Variants in FRMD3 observed in about 807,000 individuals in gnomAD.
FRMD3 encodes FERM domain-containing protein 3.
In FRMD3, 33 loss-of-function variants were observed where a neutral mutation model predicts 70.2. That is an observed-to-expected ratio of 0.47 (90% CI 0.36 to 0.63). FRMD3 has a LOEUF of 0.63. FRMD3 is among the 20% of genes least tolerant of loss of function. The pLI, the probability that FRMD3 is intolerant of heterozygous loss-of-function variation, is 0.00. For missense variants in FRMD3, 632 were observed against 711.4 expected, an observed-to-expected ratio of 0.89 and a Z score of 1.27; for synonymous variants, 279 against 255.9, an observed-to-expected ratio of 1.09 and a Z score of -0.86.
At chr9:83,534,467 C>T (rs963663328) in intron 1 of FRMD3, among the ~76,000 whole-genome samples, 2 of 152,192 alleles carry the variant, frequency 1.3e-5, no homozygotes, top group African/African-American at 4.8e-5. Flanking sequence ...ATCCTCTATG[C>T]AGTGGCAAAT....
intron 6 of FRMD3, among the ~76,000 whole-genome samples, chr9:83,324,141 T>C (rs1835919000): frequency 6.6e-6 from 1 of 152,194 alleles, no homozygotes; most frequent in Non-Finnish European, 1.5e-5. Context: ...GCTGTATGTA[T>C]CACTGTGGAA....
intron 1 of FRMD3, among the ~76,000 whole-genome samples, chr9:83,429,566 A>C (rs1826910307): frequency 6.6e-6 from 1 of 152,086 alleles, no homozygotes; most frequent in Non-Finnish European, 1.5e-5. Context: ...GCCTGTCCCA[A>C]GGTCCCACGT....
rs972169368 is a variant in FRMD3 at position 83,520,107 on chromosome 9, C to T, written c.147+17978G>A. On this transcript the variant is annotated intron_variant, in intron 1 of 13. Transcript: ENST00000304195. ...TGTATACCTATGTAACAAACCTGCA[C>T]GTTCTGCACATGTATCCCAGAACTT... Among the ~76,000 whole-genome samples the T allele has an allele frequency of 9.9e-5, 15 of 152,196 alleles. No homozygotes were observed. In the East Asian group the frequency reaches 2.5e-3, roughly 25 times the overall value.
chr9:83,526,674 C>T (rs1339591690), intron 1 of FRMD3, among the ~76,000 whole-genome samples: 1 of 152,166 alleles, frequency 6.6e-6, no homozygotes, highest in Non-Finnish European at 1.5e-5. Flanking sequence ...TTCTATCTTC[C>T]CCCAACTGAC....
chr9:83,331,789 A>G (rs1823381183), intron 6 of FRMD3: 8 of 705,552 alleles, frequency 1.1e-5, no homozygotes, highest in South Asian at 9.3e-5. Context: ...AAACAACTCT[A>G]TTAGTCAATG....
At chr9:83,441,144 T>A (rs1450777132) in intron 1 of FRMD3, among the ~76,000 whole-genome samples, 3 of 152,064 alleles carry the variant, frequency 2.0e-5, no homozygotes, top group Non-Finnish European at 4.4e-5. Context: ...AACAAGAAAA[T>A]CAATGTTCTA....
At chr9:83,406,215 T>A (rs146757159) in intron 1 of FRMD3, among the ~76,000 whole-genome samples, 1 of 152,240 alleles carries the variant, frequency 6.6e-6, no homozygotes, top group African/African-American at 2.4e-5. Context: ...TCTTCCCTGC[T>A]TTCCCCTCCC....
At chr9:83,547,980 T>C in the FRMD3 span, among the ~76,000 whole-genome samples, 26 of 152,324 alleles carry the variant, frequency 1.7e-4, no homozygotes, top group South Asian at 3.9e-3. Flanking sequence ...CTCAACATCA[T>C]ATCTCATTAC....
At chr9:83,405,372 G>A (rs1358442091) in intron 1 of FRMD3, among the ~76,000 whole-genome samples, 1 of 152,084 alleles carries the variant, frequency 6.6e-6, no homozygotes, top group Non-Finnish European at 1.5e-5. Context: ...GGCTTACAGT[G>A]ATCCACTTAC....
Position 83,269,642 on chromosome 9 carries a change from G to T in FRMD3, c.1195+20961C>A, listed in dbSNP as rs1833455990. ...GAGAATTGCATAAACCCGGGAGGCG[G>T]AGGTTGCAGCAAGCCGAGATCTCAC... On this transcript the variant is annotated intron_variant, in intron 13 of 13. Coordinates refer to ENST00000304195, the MANE Select transcript of FRMD3 (RefSeq NM_174938.6). Among the ~76,000 whole-genome samples, 4 of 151,958 alleles carry T rather than the reference G, an allele frequency of 2.6e-5. No homozygotes were observed. The South Asian group carries it at 6.2e-4, about 24-fold the overall frequency.
chr9:83,555,134 G>A, the FRMD3 span, among the ~76,000 whole-genome samples: 11 of 152,300 alleles, frequency 7.2e-5, no homozygotes, highest in Admixed American at 1.3e-4. Flanking sequence ...ATCTGGCCAC[G>A]TTTTGGTAGA....
At chr9:83,437,021 G>A (rs77872630) in intron 1 of FRMD3, among the ~76,000 whole-genome samples, 601 of 152,272 alleles carry the variant, frequency 3.9e-3, no homozygotes, top group Non-Finnish European at 6.7e-3. Flanking sequence ...AACCTCATCT[G>A]CAATGGTTCC....
chr9:83,322,273 A>G (rs1413497633), intron 6 of FRMD3, among the ~76,000 whole-genome samples: 1 of 151,986 alleles, frequency 6.6e-6, no homozygotes. Context: ...AACCACATCA[A>G]CCCAAACAGT....
intron 1 of FRMD3, among the ~76,000 whole-genome samples, chr9:83,403,712 A>G (rs933575294): frequency 6.6e-6 from 1 of 152,160 alleles, no homozygotes; most frequent in African/African-American, 2.4e-5. Context: ...ATTACTGAGC[A>G]CTAACTATAA....
At chr9:83,403,111 C>T (rs1389145422) in intron 1 of FRMD3, among the ~76,000 whole-genome samples, 1 of 151,898 alleles carries the variant, frequency 6.6e-6, no homozygotes, top group Admixed American at 6.6e-5. Flanking sequence ...ATCATATTGG[C>T]CAGGCTGGTC....
intron 1 of FRMD3, among the ~76,000 whole-genome samples, chr9:83,455,554 C>A (rs766191134): frequency 3.9e-5 from 6 of 152,168 alleles, no homozygotes; most frequent in African/African-American, 9.7e-5. Flanking sequence ...TCTGAGGCCT[C>A]CCCAGCCATG....
At position 83,245,804 on chromosome 9, in the gene FRMD3, C is replaced by A. The variant is rs1832065470; in HGVS notation, c.*2114G>T. 5 of 985,128 alleles carry A rather than the reference C, an allele frequency of 5.1e-6. No individual in the cohort carries two copies. The highest frequency in any genetic ancestry group is 6.0e-6 in the Non-Finnish European group (5 of 829,820). The allele number at this position is 985,128 out of a possible 1,614,324, so 61.0% of individuals were successfully genotyped here. On this transcript the variant is annotated 3_prime_UTR_variant, in exon 14 of 14. Coordinates refer to ENST00000304195, the MANE Select transcript of FRMD3 (RefSeq NM_174938.6). ...AGTTGCCTTATGTCAGAAAGGATGA[C>A]TTAGAAGTCGTATGAGAAAAGAAGG...
chr9:83,462,335 C>T (rs996303969), intron 1 of FRMD3, among the ~76,000 whole-genome samples: 1 of 152,180 alleles, frequency 6.6e-6, no homozygotes, highest in Non-Finnish European at 1.5e-5. Context: ...CAAGGTCCTA[C>T]GGTCTCTGAA....
intron 13 of FRMD3, among the ~76,000 whole-genome samples, chr9:83,280,676 G>A (rs980431988): frequency 6.6e-6 from 1 of 151,998 alleles, no homozygotes; most frequent in Admixed American, 6.5e-5. Context: ...AAATATTTGT[G>A]CATACAAATA....
Sources: allele counts gnomAD v4.1 joint callset (sites outside exome capture counted in the v4.1 genomes callset), GRCh38; gene constraint gnomAD v4.1.1; transcripts MANE v1.5; gene names NCBI Gene and HGNC (gene_info 2026-07-23, HGNC 2026-07-21).